Variants in ARHGAP5 observed in about 807,000 individuals in gnomAD.
The protein encoded by ARHGAP5 is rho GTPase-activating protein 5.
ARHGAP5 carries 23 observed loss-of-function variants against 116.6 expected under a neutral mutation model. That is an observed-to-expected ratio of 0.20 (90% CI 0.14 to 0.28). ARHGAP5 has a LOEUF of 0.28. ARHGAP5 is among the 10% of genes least tolerant of loss of function. The pLI is 1.00. For synonymous variants in ARHGAP5, 574 were observed against 602.0 expected (o/e 0.95, Z 0.68); for missense variants, 1,405 against 1,774.8 (o/e 0.79, Z 3.74).
At chr14:32,150,226 G>A (rs1881579832) in intron 5 of ARHGAP5, among the ~76,000 whole-genome samples, 193 bp downstream of exon 5, 1 of 152,140 alleles carries the variant, frequency 6.6e-6, no homozygotes, top group South Asian at 2.1e-4. Flanking sequence ...GGAATATTCT[G>A]TTTTAGCTAG....
intron 2 of ARHGAP5, among the ~76,000 whole-genome samples, chr14:32,107,356 G>A (rs1428693882): frequency 3.9e-5 from 6 of 152,120 alleles, no homozygotes; most frequent in Non-Finnish European, 5.9e-5. Flanking sequence ...AACTCCTATA[G>A]GAATGAAGAA....
rs774505019 is a variant in ARHGAP5, at chr14:32,092,552, A to G, written c.1883A>G (p.Lys628Arg). The change falls in exon 2 of 7, where the codon AAA becomes AGA. Residue 628 changes from lysine to arginine, a missense_variant. Lys to Arg is a conservative substitution (Grantham distance 26). Coordinates refer to ENST00000345122, the MANE Select transcript of ARHGAP5 (RefSeq NM_001030055.2). This position sits in a 1 kb window ranked among gnomAD's most constrained non-coding sequence, Gnocchi z 4.1. ...STDDEYALDG[K>R]IYELDLRPVD... ...GATGATGAGTATGCCTTAGATGGAA[A>G]AATTTATGAACTTGATCTTCGGCCG... 1.2e-6 allele frequency: 2 copies of G among 1,613,794 alleles called. No homozygotes were observed. Among genetic ancestry groups the G allele is most frequent in the South Asian group, 1.1e-5 (1 of 90,966 alleles).
intron 3 of ARHGAP5, among the ~76,000 whole-genome samples, chr14:32,137,711 G>A (rs748866433): frequency 2.0e-5 from 3 of 152,016 alleles, no homozygotes; most frequent in Non-Finnish European, 2.9e-5. Context: ...GGTGGCTCAC[G>A]CCTGTAATCC....
rs1434625172 is a variant in ARHGAP5 at position 32,158,926 on chromosome 14, A to C, written c.*3978A>C. 1 of 152,070 alleles carries C rather than the reference A, an allele frequency of 6.6e-6. No individual in the cohort carries two copies. Among genetic ancestry groups the C allele is most frequent in the East Asian group, 1.9e-4 (1 of 5,198 alleles). The allele number at this position is 152,070 out of a possible 1,614,324, so 9.4% of individuals were successfully genotyped here. A position where few individuals can be genotyped will look rare whatever the true frequency, so the allele number is the denominator to read the frequency against. On this transcript the variant is annotated 3_prime_UTR_variant, in exon 7 of 7. Coordinates refer to ENST00000345122, the MANE Select transcript of ARHGAP5 (RefSeq NM_001030055.2). Reference sequence around the variant, plus strand: ...TAATTAATTAACTTTGGGAGTCTTCACTATTCAATTGATCCTCATCATTGT... The same window carrying C: ...TAATTAATTAACTTTGGGAGTCTTCCCTATTCAATTGATCCTCATCATTGT...
chr14:32,084,284 G>C (rs2041807173), intron 1 of ARHGAP5, among the ~76,000 whole-genome samples: 1 of 152,124 alleles, frequency 6.6e-6, no homozygotes, highest in Admixed American at 6.6e-5. Flanking sequence ...CCAGAGTACT[G>C]CCTACTTGGA....
chr14:32,095,391 T>A (rs755874496), intron 2 of ARHGAP5, among the ~76,000 whole-genome samples: 16 of 151,646 alleles, frequency 1.1e-4, no homozygotes, highest in Non-Finnish European at 2.1e-4. Context: ...GGAAAAGGCA[T>A]GTAAACTTTG....
chr14:32,087,161 G>A (rs1013344181), intron 1 of ARHGAP5, among the ~76,000 whole-genome samples: 2 of 151,358 alleles, frequency 1.3e-5, no homozygotes, highest in Non-Finnish European at 2.9e-5. Context: ...CTGGGCATTA[G>A]TTTATTAGTG....
chr14:32,086,261 A>T (rs1404606648), intron 1 of ARHGAP5, among the ~76,000 whole-genome samples: 1 of 152,184 alleles, frequency 6.6e-6, no homozygotes, highest in East Asian at 1.9e-4. Flanking sequence ...AGGGGAGGCC[A>T]GAGAGGTGAG....
At chr14:32,148,691 G>A (rs559991068) in intron 4 of ARHGAP5, among the ~76,000 whole-genome samples, 2 of 152,060 alleles carry the variant, frequency 1.3e-5, no homozygotes, top group African/African-American at 2.4e-5. Flanking sequence ...AATTGTTTAT[G>A]TAGGGCAAAA....
At chr14:32,125,085 G>A (rs1032327261) in intron 3 of ARHGAP5, among the ~76,000 whole-genome samples, 3 of 151,988 alleles carry the variant, frequency 2.0e-5, no homozygotes, top group African/African-American at 7.3e-5. Flanking sequence ...TCACAGTGTT[G>A]GATAACCACC....
intron 1 of ARHGAP5, among the ~76,000 whole-genome samples, chr14:32,082,048 C>A (rs1188318760): frequency 6.6e-6 from 1 of 152,116 alleles, no homozygotes; most frequent in Non-Finnish European, 1.5e-5. Flanking sequence ...ACCTACAGTT[C>A]TTGATCCTCT....
intron 1 of ARHGAP5, among the ~76,000 whole-genome samples, chr14:32,087,750 G>A (rs759376222): frequency 1.3e-5 from 2 of 151,820 alleles, no homozygotes; most frequent in East Asian, 1.9e-4. Flanking sequence ...GTATCTAATG[G>A]GCATTTTACT....
intron 5 of ARHGAP5, 68 bp downstream of exon 5, chr14:32,150,101 T>G (rs1881575707): frequency 4.6e-6 from 6 of 1,314,286 alleles, no homozygotes; most frequent in Admixed American, 2.5e-5. Context: ...TTGCTAAGTG[T>G]TAAAATCATC....
At chr14:32,146,806 T>C (rs1881399780) in intron 4 of ARHGAP5, among the ~76,000 whole-genome samples, 1 of 152,138 alleles carries the variant, frequency 6.6e-6, no homozygotes, top group African/African-American at 2.4e-5. Context: ...GCAAAGTCCA[T>C]CAGGCCTGGA....
At chr14:32,082,954 C>T (rs2041792931) in intron 1 of ARHGAP5, among the ~76,000 whole-genome samples, 1 of 152,218 alleles carries the variant, frequency 6.6e-6, no homozygotes, top group East Asian at 1.9e-4. Flanking sequence ...TCTGTAGTGG[C>T]TTCTCTATTG....
chr14:32,109,479 T>C (rs1334535848), intron 2 of ARHGAP5, among the ~76,000 whole-genome samples: 2 of 152,086 alleles, frequency 1.3e-5, no homozygotes, highest in African/African-American at 4.8e-5. Flanking sequence ...TCCCTTTATA[T>C]AGGGTAGGTT....
At chr14:32,151,453 G>A (rs1247542141) in intron 5 of ARHGAP5, among the ~76,000 whole-genome samples, 1 of 152,248 alleles carries the variant, frequency 6.6e-6, no homozygotes, top group East Asian at 1.9e-4. Flanking sequence ...AAGCAAAATG[G>A]ATTACAAGTA....
At position 32,092,701 on chromosome 14, in the gene ARHGAP5, A is replaced by T. The variant is rs765813535; in HGVS notation, c.2032A>T (p.Ile678Leu). 53 of 1,613,770 alleles carry T rather than the reference A, an allele frequency of 3.3e-5. No homozygotes were observed. Among genetic ancestry groups the T allele is most frequent in the Middle Eastern group, 1.6e-4 (1 of 6,082 alleles). The part of the protein sequence containing the change: ...LSFIGEFIGK[I>L]RTEASQIRKD... ...TTTTATTGGGGAATTTATTGGGAAA[A>T]TAAGAACTGAAGCTTCTCAGATCAG... The change falls in exon 2 of 7, where the codon ATA becomes TTA. Residue 678 changes from isoleucine to leucine, a missense_variant. Ile to Leu is a conservative substitution (Grantham distance 5). This residue lies in a region of ARHGAP5 where 944 missense variants were observed against 1,095.3 expected (regional missense o/e 0.86). Coordinates refer to ENST00000345122, the MANE Select transcript of ARHGAP5 (RefSeq NM_001030055.2). The surrounding 1 kb of genome is among the most constrained non-coding windows in gnomAD (Gnocchi z 4.1).
chr14:32,145,945 G>A (rs1881357272), intron 3 of ARHGAP5, among the ~76,000 whole-genome samples: 1 of 152,004 alleles, frequency 6.6e-6, no homozygotes, highest in Admixed American at 6.5e-5. Context: ...TTTTTGTTTG[G>A]TTGGTTGGGG....
Sources: allele counts gnomAD v4.1 joint callset (sites outside exome capture counted in the v4.1 genomes callset), GRCh38; gene constraint gnomAD v4.1.1; regional missense constraint gnomAD v4.1.1; non-coding constraint Gnocchi (gnomAD v3.1); transcripts MANE v1.5; gene names NCBI Gene and HGNC (gene_info 2026-07-23, HGNC 2026-07-21).